Variants in CASP2 observed in about 807,000 individuals in gnomAD.
The protein encoded by CASP2 is caspase 2, also known as caspase-2.
CASP2 carries 38 observed loss-of-function variants against 54.4 expected under a neutral mutation model. The ratio of observed to expected loss-of-function variants is 0.70; its 90% CI spans 0.54 to 0.92. The LOEUF is 0.92. Among genes scored for constraint, CASP2 ranks in the 40% least tolerant of loss-of-function variants. CASP2 has a pLI of 0.00. For missense variants in CASP2, 512 were observed against 579.6 expected, an observed-to-expected ratio of 0.88 and a Z score of 1.20; for synonymous variants, 215 against 216.3, an observed-to-expected ratio of 0.99 and a Z score of 0.05.
chr7:143,295,486 T>C (rs1173417335), intron 6 of CASP2, among the ~76,000 whole-genome samples: 1 of 152,238 alleles, frequency 6.6e-6, no homozygotes, highest in African/African-American at 2.4e-5. Context: ...GGGTTTCTAT[T>C]TTGCAATCAA....
At chr7:143,295,027 A>G (rs1191397968) in intron 6 of CASP2, among the ~76,000 whole-genome samples, 1 of 146,702 alleles carries the variant, frequency 6.8e-6, no homozygotes, top group African/African-American at 2.5e-5. Context: ...TTGGTGTCTC[A>G]CTTTTTTTTT....
chr7:143,303,658 T>A, intron 8 of CASP2, 126 bp from the exon 9 acceptor site: 1 of 746,986 alleles, frequency 1.3e-6, no homozygotes, highest in Non-Finnish European at 2.3e-6. Context: ...AGCCATAGGT[T>A]GGAGGCAACA....
rs529871279 is a variant in CASP2 at position 143,304,458 on chromosome 7, C to T, written c.1118-216C>T. ...GAGACCTGAAAATTTGTATGACTTGCTTTATTGCCATATTCACTTTCTTAA... is the reference window on the plus strand; with the variant it reads ...GAGACCTGAAAATTTGTATGACTTGTTTTATTGCCATATTCACTTTCTTAA... On this transcript the variant is annotated intron_variant, in intron 9 of 10. Coordinates refer to ENST00000310447, the MANE Select transcript of CASP2 (RefSeq NM_032982.4). Among the ~76,000 whole-genome samples, 20 of 152,328 alleles carry T rather than the reference C, an allele frequency of 1.3e-4. No individual in the cohort carries two copies. The South Asian group carries it at 3.9e-3, about 30-fold the overall frequency.
At chr7:143,288,953 G>T (rs990602189) in intron 1 of CASP2, among the ~76,000 whole-genome samples, 2 of 152,240 alleles carry the variant, frequency 1.3e-5, no homozygotes, top group Non-Finnish European at 2.9e-5. Flanking sequence ...ATGTGCATTT[G>T]ATTTGTATCG....
chr7:143,295,321 C>T (rs1484788672), intron 6 of CASP2, among the ~76,000 whole-genome samples: 2 of 152,288 alleles, frequency 1.3e-5, no homozygotes, highest in East Asian at 3.9e-4. Flanking sequence ...AGCTACGGCA[C>T]CTGGCTGGGA....
At position 143,288,371 on chromosome 7, in the gene CASP2, A is replaced by C; in HGVS notation, c.-85A>C. The C allele has an allele frequency of 7.3e-7, 1 of 1,366,828 alleles. No homozygotes were observed. The highest frequency in any genetic ancestry group is 1.2e-5 in the South Asian group (1 of 82,584). 84.7% of individuals were successfully genotyped at this position (1,366,828 alleles called of 1,614,324 possible). On this transcript the variant is annotated 5_prime_UTR_variant, in exon 1 of 11. Coordinates refer to ENST00000310447, the MANE Select transcript of CASP2 (RefSeq NM_032982.4). The stretch of plus-strand genomic sequence containing the variant: ...CAGGCGCAGTGTGCGTCCGCGTCTG[A>C]GGGGAGGGATGTGGGGGAAGCGACG...
chr7:143,303,479 AAGG>A (rs1300390560), intron 8 of CASP2: 5 of 249,592 alleles, frequency 2.0e-5, no homozygotes, highest in Non-Finnish European at 4.0e-5. Flanking sequence ...TTCCATTTAC[AAGG>A]AGTATTTGAT....
In CASP2 at chr7:143,303,921, G is replaced by T; in HGVS notation, c.1105G>T (p.Ala369Ser). The T allele has an allele frequency of 6.3e-7, 1 of 1,598,044 alleles. No homozygotes were observed. The highest frequency in any genetic ancestry group is 8.5e-7 in the Non-Finnish European group (1 of 1,171,868). ...GCGCTCAGACATGATATGCGGCTAT[G>T]CCTGCCTCAAAGGTACTTTGAGTTC... Reference protein sequence around the residue: ...PTRSDMICGYACLKGTAAMRN... With the variant: ...PTRSDMICGYSCLKGTAAMRN... The change falls in exon 9 of 11, where the codon GCC becomes TCC. Residue 369 changes from alanine (A) to serine (S), a missense_variant. Transcript: ENST00000310447.
chr7:143,303,002 G>C (rs905037997), intron 8 of CASP2: 1 of 151,926 alleles, frequency 6.6e-6, no homozygotes, highest in African/African-American at 2.4e-5. Flanking sequence ...AGTGACTCAT[G>C]CCTATAATCC....
intron 8 of CASP2, 120 bp from the exon 9 acceptor site, chr7:143,303,664 C>A: frequency 2.6e-6 from 2 of 783,008 alleles, no homozygotes; most frequent in East Asian, 2.7e-5. Context: ...AGGTTGGAGG[C>A]AACAGCTGGA....
Position 143,304,994 on chromosome 7 carries a change from C to T in CASP2, c.1282C>T (p.Arg428Trp), listed in dbSNP as rs1320497725. ...EGYAPGTEFH[R>W]CKEMSEYCST... The stretch of plus-strand genomic sequence containing the variant: ...TTATGCTCCTGGCACAGAATTCCAC[C>T]GGTGCAAGGAGATGTCTGAATACTG... Residue 428 changes from arginine (R) to tryptophan (W), a missense_variant, in exon 11 of 11, where the codon CGG becomes TGG. Around this residue, in one of 3 missense-constraint regions of CASP2, gnomAD observed 417 missense variants for 495.4 expected, o/e 0.84. Transcript: ENST00000310447. The T allele has an allele frequency of 3.7e-6, 6 of 1,614,054 alleles. No homozygotes were observed. The highest frequency in any genetic ancestry group is 2.7e-5 in the African/African-American group (2 of 74,922).
In CASP2 at chr7:143,304,792, G is replaced by A. The variant is rs1802018632; in HGVS notation, c.1227+9G>A. ...CCGACATGCTGGTTAAGGTGAGCCA[G>A]CGGGCTCCGTGACCCCTGTGTGTCT... is the stretch of plus-strand genomic sequence containing the variant. On this transcript the variant is annotated intron_variant, in intron 10 of 10. Coordinates refer to ENST00000310447, the MANE Select transcript of CASP2 (RefSeq NM_032982.4). 1.2e-6 allele frequency: 2 copies of A among 1,612,576 alleles called. No homozygotes were observed. The highest frequency in any genetic ancestry group is 2.2e-5 in the East Asian group (1 of 44,872).
At position 143,288,475 on chromosome 7, in the gene CASP2, G is replaced by T; in HGVS notation, c.20G>T (p.Gly7Val). ...CGGGAAATGGCGGCGCCGAGCGCGG[G>T]GTCTTGGTCCACCTTCCAGCACAAG... is the stretch of plus-strand genomic sequence containing the variant. Reference protein sequence around the residue: MAAPSAGSWSTFQHKEL... With the variant: MAAPSAVSWSTFQHKEL... The change falls in exon 1 of 11, where the codon GGG becomes GTG. Residue 7 changes from glycine (G) to valine (V), a missense_variant. By Grantham distance (109) the Gly-to-Val change is moderately radical. Coordinates refer to ENST00000310447, the MANE Select transcript of CASP2 (RefSeq NM_032982.4). The T allele has an allele frequency of 4.3e-6, 7 of 1,613,244 alleles. No homozygotes were observed. Among genetic ancestry groups the T allele is most frequent in the Non-Finnish European group, 5.9e-6 (7 of 1,179,680 alleles).
chr7:143,294,890 A>T, intron 6 of CASP2, 117 bp downstream of exon 6: 1 of 917,500 alleles, frequency 1.1e-6, no homozygotes. Flanking sequence ...GGTTTATTCT[A>T]CTTACATTTT....
rs1801996791 is a variant in CASP2 at position 143,304,039 on chromosome 7, C to T, written c.1117+106C>T. On this transcript the variant is annotated intron_variant, in intron 9 of 10. Transcript: ENST00000310447. ...GTATCCCTTATCTGAAGTGTTGGAA[C>T]CAGAAGTGTTTCAGATTTTGGATTT... The T allele has an allele frequency of 4.4e-6, 5 of 1,135,958 alleles. No homozygotes were observed. The South Asian group carries it at 5.4e-5, about 12-fold the overall frequency. The allele number at this position is 1,135,958 out of a possible 1,614,324, so 70.4% of individuals were successfully genotyped here. A position where few individuals can be genotyped will look rare whatever the true frequency, so the allele number is the denominator to read the frequency against.
chr7:143,292,558 T>A, intron 3 of CASP2, 59 bp from the exon 4 acceptor site: 1 of 1,605,876 alleles, frequency 6.2e-7, no homozygotes, highest in Non-Finnish European at 8.5e-7. Context: ...TAGATTTTGT[T>A]GTATTTGGAC....
At chr7:143,288,568 C>T (rs1156886644) in intron 1 of CASP2, 39 bp downstream of exon 1, 1 of 1,566,404 alleles carries the variant, frequency 6.4e-7, no homozygotes, top group East Asian at 2.3e-5. Context: ...TAGGGGAGCC[C>T]AGGGAAGGGG....
chr7:143,300,516 C>T lies in CASP2; in HGVS notation c.967+222C>T, dbSNP rs1392317518. The T allele has an allele frequency of 2.5e-6, 4 of 1,575,744 alleles. No individual in the cohort carries two copies. The African/African-American group carries it at 5.4e-5, about 21-fold the overall frequency. ...CTCTCAGGCTGGTCAGCTCTCCGTG[C>T]ACCACCATATCCTGTTTTCAGGTCT... On this transcript the variant is annotated intron_variant, in intron 8 of 10. Transcript: ENST00000310447.
intron 4 of CASP2, chr7:143,293,017 T>C (rs1428075570): frequency 1.2e-5 from 7 of 581,032 alleles, no homozygotes; most frequent in Non-Finnish European, 2.1e-5. Flanking sequence ...TCTCAAAAAA[T>C]AAAATAAAAT....
Sources: allele counts gnomAD v4.1 joint callset (sites outside exome capture counted in the v4.1 genomes callset), GRCh38; gene constraint gnomAD v4.1.1; regional missense constraint gnomAD v4.1.1; transcripts MANE v1.5; gene names NCBI Gene and HGNC (gene_info 2026-07-23, HGNC 2026-07-21).